Variants in TRIM2 observed in about 807,000 individuals in gnomAD.
TRIM2 encodes the protein tripartite motif containing 2.
In TRIM2, 20 loss-of-function variants were observed where a neutral mutation model predicts 75.2. The ratio of observed to expected loss-of-function variants is 0.27; its 90% CI spans 0.19 to 0.39. The LOEUF (loss-of-function observed/expected upper bound fraction) is 0.39, where lower values mean the gene tolerates loss of function less well. Ranked by LOEUF, TRIM2 falls within the 10% of genes least tolerant of loss-of-function variation. The pLI, the probability that TRIM2 is intolerant of heterozygous loss-of-function variation, is 1.00. For missense variants in TRIM2, 660 were observed against 990.8 expected (o/e 0.67, Z 4.48); for synonymous variants, 373 against 388.3 (o/e 0.96, Z 0.46).
At chr4:153,292,841 C>A in intron 3 of TRIM2, 141 bp from the exon 4 acceptor site, 1 of 864,322 alleles carries the variant, frequency 1.2e-6, no homozygotes, top group South Asian at 2.6e-5. Flanking sequence ...TTCCTTTTCT[C>A]CTGTGAAGCT....
In TRIM2 at chr4:153,195,641, A is replaced by G. The variant is rs577998917; in HGVS notation, c.-49+42371A>G. Among the ~76,000 whole-genome samples the G allele has an allele frequency of 3.9e-5, 6 of 152,292 alleles. No homozygotes were observed. In the East Asian group the frequency reaches 1.2e-3, roughly 29 times the overall value. On this transcript the variant is annotated intron_variant, in intron 1 of 11. Transcript: ENST00000437508. ...TGTTTTAAGCTCATAGTAATATGTT[A>G]TGGCAGCTCAGGAAATCAGGCCACT...
At chr4:153,261,054 C>T (rs1004113849) in intron 1 of TRIM2, among the ~76,000 whole-genome samples, 3 of 152,120 alleles carry the variant, frequency 2.0e-5, no homozygotes, top group Non-Finnish European at 4.4e-5. Flanking sequence ...TTCAGGATTT[C>T]CTTTCTATAA....
In TRIM2 at chr4:153,163,059, A is replaced by C. The variant is rs528747034; in HGVS notation, c.-49+9789A>C. On this transcript the variant is annotated intron_variant, in intron 1 of 11. Coordinates refer to the TRIM2 transcript ENST00000437508. ...GTGGGAAAAAAATAACCTTTACCTGAGTGTATGTAGCCACATTTGACTGCT... is the reference window on the plus strand; with the variant it reads ...GTGGGAAAAAAATAACCTTTACCTGCGTGTATGTAGCCACATTTGACTGCT... Among the ~76,000 whole-genome samples, 10 of 152,316 alleles carry C rather than the reference A, an allele frequency of 6.6e-5. No individual in the cohort carries two copies. The East Asian group carries it at 1.9e-3, about 29-fold the overall frequency.
intron 1 of TRIM2, among the ~76,000 whole-genome samples, chr4:153,264,546 A>C (rs535571397): frequency 6.6e-6 from 1 of 152,364 alleles, no homozygotes; most frequent in East Asian, 1.9e-4. Flanking sequence ...TTTAGAAAAC[A>C]AGATGGGGAA....
intron 3 of TRIM2, among the ~76,000 whole-genome samples, chr4:153,282,144 C>A (rs535346194): frequency 6.6e-6 from 1 of 152,354 alleles, no homozygotes; most frequent in South Asian, 2.1e-4. Flanking sequence ...CCTGCCCACC[C>A]ACCCCAGGCC....
At chr4:153,322,584 G>T in intron 8 of TRIM2, 64 bp from the exon 9 acceptor site, 1 of 1,552,214 alleles carries the variant, frequency 6.4e-7, no homozygotes, top group Non-Finnish European at 8.8e-7. Flanking sequence ...TTATCTTCAT[G>T]TTCTGTAGTG....
chr4:153,321,569 A>G (rs926816983), intron 8 of TRIM2, among the ~76,000 whole-genome samples: 1 of 152,214 alleles, frequency 6.6e-6, no homozygotes, highest in African/African-American at 2.4e-5. Flanking sequence ...AATCATTATG[A>G]TTGCCCTATA....
chr4:153,194,306 G>T (rs1031585981), intron 1 of TRIM2, among the ~76,000 whole-genome samples: 2 of 152,148 alleles, frequency 1.3e-5, no homozygotes, highest in Non-Finnish European at 2.9e-5. Context: ...ACCAATTGTG[G>T]TATGTGCATA....
intron 3 of TRIM2, among the ~76,000 whole-genome samples, chr4:153,292,431 A>T (rs1320512259): frequency 6.6e-6 from 1 of 152,190 alleles, no homozygotes; most frequent in African/African-American, 2.4e-5. Context: ...TATCCGTTCT[A>T]ATTTTTAAAA....
chr4:153,246,850 T>C (rs1749299702), intron 1 of TRIM2, among the ~76,000 whole-genome samples: 1 of 152,188 alleles, frequency 6.6e-6, no homozygotes, highest in Non-Finnish European at 1.5e-5. Flanking sequence ...GCTGCTTGAC[T>C]TCTATTCTTC....
At chr4:153,210,668 C>T (rs528260256) in intron 1 of TRIM2, among the ~76,000 whole-genome samples, 12 of 152,290 alleles carry the variant, frequency 7.9e-5, no homozygotes, top group African/African-American at 1.2e-4. Context: ...GCATTTTTAA[C>T]GAAACAGCAG....
intron 1 of TRIM2, among the ~76,000 whole-genome samples, chr4:153,206,529 C>G (rs187213313): frequency 3.3e-5 from 5 of 152,086 alleles, no homozygotes; most frequent in African/African-American, 9.7e-5. Context: ...ATGTCCTCTC[C>G]GGGCGCCACT....
At chr4:153,281,230 G>T (rs1050487281) in intron 3 of TRIM2, among the ~76,000 whole-genome samples, 1 of 152,102 alleles carries the variant, frequency 6.6e-6, no homozygotes, top group Non-Finnish European at 1.5e-5. Flanking sequence ...TGGGTGGAAG[G>T]GTAAATTGCT....
At chr4:153,274,875 T>C (rs957171198) in intron 2 of TRIM2, among the ~76,000 whole-genome samples, 2 of 152,212 alleles carry the variant, frequency 1.3e-5, no homozygotes, top group Non-Finnish European at 2.9e-5. Context: ...GCAAAAGCTG[T>C]TTCATGTCTG....
chr4:153,213,450 A>G (rs1024859388), intron 1 of TRIM2, among the ~76,000 whole-genome samples: 1 of 152,228 alleles, frequency 6.6e-6, no homozygotes, highest in African/African-American at 2.4e-5. Context: ...ATCGCTAACA[A>G]AGTGATGGGC....
chr4:153,258,218 T>C (rs1439802679), intron 1 of TRIM2, among the ~76,000 whole-genome samples: 3 of 152,110 alleles, frequency 2.0e-5, no homozygotes, highest in Non-Finnish European at 2.9e-5. Context: ...GCAGTTACCA[T>C]TGGAAACCCA....
rs555460152 is a variant in TRIM2, at chr4:153,335,166, A to C, written c.*200A>C. On this transcript the variant is annotated 3_prime_UTR_variant, in exon 12 of 12. Coordinates refer to ENST00000338700, the MANE Select transcript of TRIM2 (RefSeq NM_015271.5). ...TATTTCACCTTTAGGGTTAAAAAAA[A>C]CTCTTCTACTGAATCTATAAAAACT... 5 of 1,261,276 alleles carry C rather than the reference A, an allele frequency of 4.0e-6. No homozygotes were observed. In the African/African-American group the frequency reaches 4.5e-5, roughly 11 times the overall value. 78.1% of individuals were successfully genotyped at this position (1,261,276 alleles called of 1,614,324 possible). A position where few individuals can be genotyped will look rare whatever the true frequency, so the allele number is the denominator to read the frequency against.
intron 11 of TRIM2, among the ~76,000 whole-genome samples, chr4:153,331,747 A>C (rs1489631954): frequency 6.7e-6 from 1 of 148,814 alleles, no homozygotes; most frequent in Non-Finnish European, 1.5e-5. Context: ...TATATGACTT[A>C]CTATATAGTT....
chr4:153,222,910 C>T (rs901775592), intron 1 of TRIM2: 2 of 152,066 alleles, frequency 1.3e-5, no homozygotes, highest in Non-Finnish European at 2.9e-5. Context: ...GTCGCCTGCC[C>T]GCTGCCTGAT....
Sources: allele counts gnomAD v4.1 joint callset (sites outside exome capture counted in the v4.1 genomes callset), GRCh38; gene constraint gnomAD v4.1.1; transcripts MANE v1.5; gene names NCBI Gene and HGNC (gene_info 2026-07-23, HGNC 2026-07-21).